SYK: variants seen among roughly 807,000 people sequenced by gnomAD.
The protein encoded by SYK is tyrosine-protein kinase SYK.
In SYK, 16 loss-of-function variants were observed where a neutral mutation model predicts 77.8. The observed-to-expected ratio is 0.21, with a 90% confidence interval of 0.14 to 0.31. The LOEUF is 0.31. Ranked by LOEUF, SYK falls within the 10% of genes least tolerant of loss-of-function variation. The pLI is 1.00. For missense variants in SYK, 529 were observed against 814.4 expected (o/e 0.65, Z 4.26); for synonymous variants, 312 against 308.7 (o/e 1.01, Z -0.11).
intron 3 of SYK, among the ~76,000 whole-genome samples, chr9:90,850,149 A>C (rs1187760640): frequency 6.6e-6 from 1 of 152,202 alleles, no homozygotes; most frequent in Non-Finnish European, 1.5e-5. Context: ...CTATGAATAG[A>C]TAGAGTGAGA....
intron 3 of SYK, among the ~76,000 whole-genome samples, chr9:90,856,179 T>C (rs930633582): frequency 2.0e-5 from 3 of 152,218 alleles, no homozygotes; most frequent in Non-Finnish European, 4.4e-5. Context: ...CTCTGTTTCC[T>C]CAGTAATAAA....
chr9:90,846,907 G>T (rs1360887158), intron 3 of SYK, among the ~76,000 whole-genome samples: 1 of 152,210 alleles, frequency 6.6e-6, no homozygotes. Context: ...CAACATGAAT[G>T]TCATGGGACC....
At chr9:90,874,100 C>A in intron 7 of SYK, 104 bp from the exon 8 acceptor site, 1 of 943,434 alleles carries the variant, frequency 1.1e-6, no homozygotes, top group South Asian at 1.6e-5. Flanking sequence ...GTCTTTCCTG[C>A]AAAAGTTAAA....
At chr9:90,870,849 A>T (rs935967518) in intron 7 of SYK, among the ~76,000 whole-genome samples, 2 of 152,322 alleles carry the variant, frequency 1.3e-5, no homozygotes, top group African/African-American at 4.8e-5. Context: ...CATCTGCATT[A>T]CTGCTGTTGC....
intron 11 of SYK, among the ~76,000 whole-genome samples, chr9:90,883,861 G>A (rs114978589): frequency 0.013 from 1,918 of 152,138 alleles, 35 homozygotes; most frequent in African/African-American, 0.043. Context: ...AAGCCCAAGG[G>A]TCAGCCTTCT....
At chr9:90,853,884 A>C (rs568258654) in intron 3 of SYK, among the ~76,000 whole-genome samples, 5 of 152,220 alleles carry the variant, frequency 3.3e-5, no homozygotes, top group Non-Finnish European at 5.9e-5. Flanking sequence ...TAATAAAATA[A>C]AATAAAATAA....
rs764611974 is a variant in SYK, at chr9:90,864,597, G to T, written c.726G>T (p.Glu242Asp). Residue 242 changes from glutamate to aspartate, a missense_variant, in exon 5 of 14, where the codon GAG (glutamate) becomes GAT (aspartate). Coordinates refer to ENST00000375754, the MANE Select transcript of SYK (RefSeq NM_003177.7). ...ACTTTTTTCTCTTTCAGCTAGTCGA[G>T]CATTATTCTTATAAAGCAGATGGTT... ...KKFDTLWQLVEHYSYKADGLL... is the reference protein window; with the variant it reads ...KKFDTLWQLVDHYSYKADGLL... The T allele has an allele frequency of 6.2e-7, 1 of 1,614,052 alleles. No homozygotes were observed. The highest frequency in any genetic ancestry group is 8.5e-7 in the Non-Finnish European group (1 of 1,179,964).
intron 1 of SYK, among the ~76,000 whole-genome samples, chr9:90,842,436 G>T (rs781034834): frequency 4.6e-5 from 7 of 150,538 alleles, no homozygotes; most frequent in Middle Eastern, 3.5e-3. Context: ...ATGTAACGTA[G>T]AATTTGGTGT....
At chr9:90,812,169 C>T (rs1166093067) in intron 1 of SYK, among the ~76,000 whole-genome samples, 1 of 152,048 alleles carries the variant, frequency 6.6e-6, no homozygotes, top group African/African-American at 2.4e-5. Flanking sequence ...GTGAAATTAA[C>T]ATTTTTATTC....
chr9:90,882,763 T>G (rs1828207688), intron 11 of SYK, among the ~76,000 whole-genome samples: 1 of 152,064 alleles, frequency 6.6e-6, no homozygotes, highest in African/African-American at 2.4e-5. Context: ...AGAACACAGA[T>G]GCAACCAAGG....
At chr9:90,817,542 A>ATTGTTTT (rs546934381) in intron 1 of SYK, among the ~76,000 whole-genome samples, 7 of 151,660 alleles carry the variant, frequency 4.6e-5, no homozygotes, top group African/African-American at 1.7e-4. Flanking sequence ...CTGGCTTATC[A>ATTGTTTT]TTGTTTTTTG....
At chr9:90,883,838 A>G (rs1828254493) in intron 11 of SYK, among the ~76,000 whole-genome samples, 1 of 152,036 alleles carries the variant, frequency 6.6e-6, no homozygotes, top group Non-Finnish European at 1.5e-5. Flanking sequence ...CAGCATCCAC[A>G]CAATCTACCT....
chr9:90,877,801 A>C (rs1398500844), intron 10 of SYK, 21 bp downstream of exon 10: 2 of 1,613,294 alleles, frequency 1.2e-6, no homozygotes, highest in South Asian at 1.1e-5. Context: ...GTGCCCCCAC[A>C]CATCTGGAAG....
intron 7 of SYK, among the ~76,000 whole-genome samples, chr9:90,868,586 T>C (rs1827609074): frequency 6.6e-6 from 1 of 152,204 alleles, no homozygotes; most frequent in Non-Finnish European, 1.5e-5. Context: ...GTAAAGCAAA[T>C]ATAAATAGTT....
chr9:90,895,583 T>C lies in SYK; in HGVS notation c.1891T>C (p.Tyr631His). The C allele has an allele frequency of 6.2e-7, 1 of 1,614,140 alleles. No individual in the cohort carries two copies. The highest frequency in any genetic ancestry group is 8.5e-7 in the Non-Finnish European group (1 of 1,180,016). Residue 631 changes from tyrosine (Y) to histidine (H), a missense_variant, in exon 14 of 14, where the codon TAT becomes CAT. Coordinates refer to ENST00000375754, the MANE Select transcript of SYK (RefSeq NM_003177.7). The surrounding 1 kb of genome is among the most constrained non-coding windows in gnomAD (Gnocchi z 4.4). ...GGAACTGCGGCTGCGCAATTACTACTATGACGTGGTGAACTAACCGCTCCC... is the reference window on the plus strand; with the variant it reads ...GGAACTGCGGCTGCGCAATTACTACCATGACGTGGTGAACTAACCGCTCCC... ...AVELRLRNYY[Y>H]DVVN
At chr9:90,883,708 C>T (rs527290436) in intron 11 of SYK, among the ~76,000 whole-genome samples, 8 of 152,078 alleles carry the variant, frequency 5.3e-5, no homozygotes, top group African/African-American at 1.7e-4. Context: ...TTGCAGCCAC[C>T]GCCAACACCA....
chr9:90,891,254 T>C (rs1257375111), intron 13 of SYK, among the ~76,000 whole-genome samples: 4 of 147,862 alleles, frequency 2.7e-5, no homozygotes, highest in African/African-American at 1.0e-4. Flanking sequence ...CACACCATAC[T>C]CCTGCCTCAG....
rs774928285 is a variant in SYK, at chr9:90,843,956, A to G, written c.58A>G (p.Ile20Val). The change falls in exon 2 of 14, where the codon ATC (isoleucine) becomes GTC (valine). Residue 20 changes from isoleucine to valine, a missense_variant. Ile to Val is a conservative substitution (Grantham distance 29). Transcript: ENST00000375754. ...ANHLPFFFGN[I>V]TREEAEDYLV... ...CCACCTGCCCTTCTTTTTCGGCAAC[A>G]TCACCCGGGAGGAGGCAGAAGATTA... 13 of 1,581,278 alleles carry G rather than the reference A, an allele frequency of 8.2e-6. No individual in the cohort carries two copies. In the African/African-American group the frequency reaches 1.2e-4, roughly 15 times the overall value.
At chr9:90,815,209 A>G (rs1825246138) in intron 1 of SYK, among the ~76,000 whole-genome samples, 2 of 152,264 alleles carry the variant, frequency 1.3e-5, no homozygotes, top group African/African-American at 4.8e-5. Flanking sequence ...AAACAAAAAA[A>G]TAAGATGCCA....
Sources: allele counts gnomAD v4.1 joint callset (sites outside exome capture counted in the v4.1 genomes callset), GRCh38; gene constraint gnomAD v4.1.1; non-coding constraint Gnocchi (gnomAD v3.1); transcripts MANE v1.5; gene names NCBI Gene and HGNC (gene_info 2026-07-23, HGNC 2026-07-21).